Variants in DDAH1 observed in about 807,000 individuals in gnomAD.
DDAH1 encodes the protein dimethylarginine dimethylaminohydrolase 1.
Under a neutral mutation model 28.8 loss-of-function variants are expected in DDAH1, and 19 were observed. That is an observed-to-expected ratio of 0.66 (90% CI 0.46 to 0.97). The LOEUF is 0.97. DDAH1 is among the 50% of genes least tolerant of loss of function. DDAH1 has a pLI of 0.00. For synonymous variants in DDAH1, 153 were observed against 154.4 expected (o/e 0.99, Z 0.07); for missense variants, 326 against 375.9 (o/e 0.87, Z 1.10).
chr1:85,499,849 A>G (rs1187722760), intron 1 of DDAH1, among the ~76,000 whole-genome samples: 2 of 152,212 alleles, frequency 1.3e-5, no homozygotes, highest in South Asian at 2.1e-4. Context: ...AATAATAGGC[A>G]AGGAAAAAAG....
At chr1:85,491,123 T>G (rs1656389401) in intron 2 of DDAH1, among the ~76,000 whole-genome samples, 1 of 148,436 alleles carries the variant, frequency 6.7e-6, no homozygotes, top group Non-Finnish European at 1.5e-5. Context: ...CTCCACTCAC[T>G]GCAACTTCTG....
chr1:85,541,951 T>C (rs180838836), intron 1 of DDAH1, among the ~76,000 whole-genome samples: 1 of 152,304 alleles, frequency 6.6e-6, no homozygotes, highest in African/African-American at 2.4e-5. Context: ...AAATGTATGT[T>C]GTTGATAGCA....
intron 1 of DDAH1, among the ~76,000 whole-genome samples, chr1:85,558,301 G>T (rs1397664895): frequency 6.6e-6 from 1 of 152,226 alleles, no homozygotes; most frequent in Non-Finnish European, 1.5e-5. Flanking sequence ...GGCAGAGGTT[G>T]CAGTGAGCCA....
At chr1:85,553,041 G>A (rs766466606) in intron 1 of DDAH1, among the ~76,000 whole-genome samples, 1 of 152,148 alleles carries the variant, frequency 6.6e-6, no homozygotes, top group Non-Finnish European at 1.5e-5. Flanking sequence ...CAGCTGCCAT[G>A]TAAGATATCC....
chr1:85,494,729 C>T (rs1484398886), intron 2 of DDAH1: 1 of 152,314 alleles, frequency 6.6e-6, no homozygotes, highest in Admixed American at 6.5e-5. Flanking sequence ...GGGGCAGTAC[C>T]TGGTTCAGCT....
At chr1:85,368,875 C>T (rs115671326) in intron 1 of DDAH1, among the ~76,000 whole-genome samples, 46 of 152,182 alleles carry the variant, frequency 3.0e-4, no homozygotes, top group African/African-American at 1.0e-3. Flanking sequence ...GAATCGCATG[C>T]TGCCAGACAC....
intron 2 of DDAH1, among the ~76,000 whole-genome samples, chr1:85,489,040 C>G (rs952904066): frequency 6.6e-6 from 1 of 152,144 alleles, no homozygotes; most frequent in African/African-American, 2.4e-5. Flanking sequence ...TCAACTTGCA[C>G]CCAGCTGTTA....
chr1:85,331,788 C>T (rs1312311144), intron 4 of DDAH1, among the ~76,000 whole-genome samples: 2 of 152,152 alleles, frequency 1.3e-5, no homozygotes, highest in East Asian at 3.9e-4. Context: ...ACCTGTTTCC[C>T]CAGCAAAGAA....
chr1:85,378,370 A>C (rs1650794301), intron 1 of DDAH1, among the ~76,000 whole-genome samples: 1 of 152,160 alleles, frequency 6.6e-6, no homozygotes, highest in Non-Finnish European at 1.5e-5. Flanking sequence ...GTAATAGTAA[A>C]GGAGTACCCT....
chr1:85,491,046 C>CT (rs5775843), intron 2 of DDAH1, among the ~76,000 whole-genome samples: 41,150 of 125,266 alleles, frequency 0.33, 8,576 homozygotes, highest in Non-Finnish European at 0.45. Context: ...AACATGTATT[C>CT]TTTTTTTTTT....
At chr1:85,328,326 G>A (rs999880707) in intron 4 of DDAH1, among the ~76,000 whole-genome samples, 4 of 152,222 alleles carry the variant, frequency 2.6e-5, no homozygotes, top group African/African-American at 4.8e-5. Context: ...GCCTCTGTCA[G>A]GTTGTGACCC....
At chr1:85,450,070 A>G (rs1293465792) in intron 1 of DDAH1, among the ~76,000 whole-genome samples, 1 of 152,244 alleles carries the variant, frequency 6.6e-6, no homozygotes, top group African/African-American at 2.4e-5. Flanking sequence ...GTCTTTTGCA[A>G]GTAAGGTCTC....
At chr1:85,522,857 G>A (rs1282653113) in intron 1 of DDAH1, among the ~76,000 whole-genome samples, 1 of 151,600 alleles carries the variant, frequency 6.6e-6, no homozygotes, top group Non-Finnish European at 1.5e-5. Context: ...TACTTTCAGA[G>A]TGGTATGGAC....
intron 5 of DDAH1, among the ~76,000 whole-genome samples, chr1:85,324,317 G>T (rs1275828949): frequency 8.3e-6 from 1 of 120,784 alleles, no homozygotes; most frequent in African/African-American, 3.0e-5. Flanking sequence ...AAAATAAAAA[G>T]AAATAAAAAG....
intron 4 of DDAH1, among the ~76,000 whole-genome samples, chr1:85,333,080 A>C (rs970173775): frequency 2.0e-5 from 3 of 152,174 alleles, no homozygotes; most frequent in African/African-American, 7.2e-5. Context: ...GGGACCCAAG[A>C]ACAGGCATGC....
At chr1:85,510,855 C>T (rs1275976967) in intron 1 of DDAH1, among the ~76,000 whole-genome samples, 2 of 152,242 alleles carry the variant, frequency 1.3e-5, no homozygotes, top group Admixed American at 1.3e-4. Flanking sequence ...TAAAGCAAGT[C>T]CTTAGAGACC....
Position 85,319,720 on chromosome 1 carries a change from G to A in DDAH1, c.*1732C>T, listed in dbSNP as rs1008907503. ...GTTTATTCACAGGATGCACATAATT[G>A]GATATCTGCATATGGCATGAATTAA... On this transcript the variant is annotated 3_prime_UTR_variant, in exon 6 of 6. Coordinates refer to ENST00000284031, the MANE Select transcript of DDAH1 (RefSeq NM_012137.4). 4 of 152,162 alleles carry A rather than the reference G, an allele frequency of 2.6e-5. No individual in the cohort carries two copies. The highest frequency in any genetic ancestry group is 6.5e-5 in the Admixed American group (1 of 15,276). 9.4% of individuals were successfully genotyped at this position (152,162 alleles called of 1,614,324 possible). A position where few individuals can be genotyped will look rare whatever the true frequency, so the allele number is the denominator to read the frequency against.
At chr1:85,377,734 A>G (rs1347275153) in intron 1 of DDAH1, among the ~76,000 whole-genome samples, 3 of 144,682 alleles carry the variant, frequency 2.1e-5, no homozygotes, top group Non-Finnish European at 4.5e-5. Context: ...ATACAAGTAG[A>G]CACACACACA....
chr1:85,543,412 C>A (rs953920413), intron 1 of DDAH1, among the ~76,000 whole-genome samples: 1 of 152,150 alleles, frequency 6.6e-6, no homozygotes, highest in Non-Finnish European at 1.5e-5. Context: ...TCACAGTGAA[C>A]ACAGGAAACA....
Sources: gnomAD v4.1 joint callset for allele counts (sites outside exome capture counted in the v4.1 genomes callset) on GRCh38, gnomAD v4.1.1 for gene constraint, MANE v1.5 for transcripts, NCBI Gene and HGNC (gene_info 2026-07-23, HGNC 2026-07-21) for gene names.